SULF2: variants seen among roughly 807,000 people sequenced by gnomAD.
SULF2 encodes the protein sulfatase 2.
A neutral mutation model predicts 107.7 loss-of-function variants in SULF2; 52 were observed. The observed-to-expected ratio is 0.48, with a 90% CI of 0.39 to 0.61. The LOEUF (loss-of-function observed/expected upper bound fraction) is 0.61. Ranked by LOEUF, SULF2 falls within the 20% of genes least tolerant of loss-of-function variation. The pLI, the probability that SULF2 is intolerant of heterozygous loss-of-function variation, is 0.00. For synonymous variants in SULF2, 460 were observed against 464.3 expected (o/e 0.99, Z 0.12); for missense variants, 993 against 1,177.3 (o/e 0.84, Z 2.29).
Position 47,664,201 on chromosome 20 carries a change from C to A in SULF2, c.1998-12G>T, listed in dbSNP as rs79684977. ...GCTGGGTGTGGTAGCTGTAACAGACCCCCCCAGCCCCAGGCTTCAGGAGTG... is the reference window on the plus strand; with the variant it reads ...GCTGGGTGTGGTAGCTGTAACAGACACCCCCAGCCCCAGGCTTCAGGAGTG... On this transcript the variant is annotated splice_polypyrimidine_tract_variant and intron_variant, in intron 14 of 20. Coordinates refer to ENST00000688720, the MANE Select transcript of SULF2 (RefSeq NM_001387048.1). 9.9e-6 allele frequency: 16 copies of A among 1,608,904 alleles called. No homozygotes were observed. Among genetic ancestry groups the A allele is most frequent in the Middle Eastern group, 1.8e-4 (1 of 5,616 alleles).
intron 1 of SULF2, among the ~76,000 whole-genome samples, chr20:47,781,876 GGA>G (rs375825487): frequency 6.6e-6 from 1 of 152,136 alleles, no homozygotes; most frequent in Non-Finnish European, 1.5e-5. Context: ...CCCCAGAGCT[GGA>G]GAGACATCAG....
intron 1 of SULF2, among the ~76,000 whole-genome samples, chr20:47,776,640 T>C (rs2090730623): frequency 6.6e-6 from 1 of 152,174 alleles, no homozygotes; most frequent in Admixed American, 6.5e-5. Context: ...AGAGCCCTCA[T>C]TAGAATGTCA....
chr20:47,706,691 A>T (rs1173269129), intron 3 of SULF2: 1 of 152,262 alleles, frequency 6.6e-6, no homozygotes. Context: ...GGGGAGGGCT[A>T]GTTTTCAGGA....
intron 18 of SULF2, 138 bp downstream of exon 18, chr20:47,661,635 C>G: frequency 1.1e-6 from 1 of 888,820 alleles, no homozygotes; most frequent in Non-Finnish European, 1.6e-6. Flanking sequence ...GACAGGGGCT[C>G]CCATGACTCG....
In SULF2 at chr20:47,694,213, C is replaced by T. The variant is rs1158313959; in HGVS notation, c.568-3918G>A. ...GCCCTGTTCTCTCTGAGGGAGAGAA[C>T]AGGAGGCCTGGGCCAGGGTGGCGGG... On this transcript the variant is annotated intron_variant, in intron 4 of 20. Coordinates refer to ENST00000688720, the MANE Select transcript of SULF2 (RefSeq NM_001387048.1). This position sits in a 1 kb window ranked among gnomAD's most constrained non-coding sequence, Gnocchi z 4.4. Among the ~76,000 whole-genome samples the T allele has an allele frequency of 6.6e-6, 1 of 152,234 alleles. No individual in the cohort carries two copies. Among genetic ancestry groups the T allele is most frequent in the East Asian group, 1.9e-4 (1 of 5,182 alleles).
chr20:47,728,220 C>T (rs1281154096), intron 3 of SULF2, among the ~76,000 whole-genome samples: 2 of 151,850 alleles, frequency 1.3e-5, no homozygotes, highest in South Asian at 2.1e-4. Context: ...TGTGTGTGTG[C>T]GTGCGTGCGT....
chr20:47,769,511 T>A (rs2090589058), intron 1 of SULF2, among the ~76,000 whole-genome samples: 1 of 151,984 alleles, frequency 6.6e-6, no homozygotes, highest in Admixed American at 6.5e-5. Flanking sequence ...GTTTTTATTT[T>A]GTAGAGGGGC....
Position 47,674,760 on chromosome 20 carries a change from C to T in SULF2, c.1380+1734G>A, listed in dbSNP as rs182784419. 1.0e-3 allele frequency among the ~76,000 whole-genome samples: 153 copies of T among 152,264 alleles called. 1 individual carries two copies. The highest frequency in any genetic ancestry group is 1.1e-3 in the Non-Finnish European group (77 of 68,016). On this transcript the variant is annotated intron_variant, in intron 10 of 20. Transcript: ENST00000688720. Reference sequence around the variant, plus strand: ...GGCTGGGTGTGAGGCCCCTAAGAGACGTCCTCGGGCCACAGGGTACAGCTT... The same window carrying T: ...GGCTGGGTGTGAGGCCCCTAAGAGATGTCCTCGGGCCACAGGGTACAGCTT...
chr20:47,704,054 T>A (rs2088651434), intron 3 of SULF2, among the ~76,000 whole-genome samples: 1 of 152,138 alleles, frequency 6.6e-6, no homozygotes, highest in Non-Finnish European at 1.5e-5. Flanking sequence ...CGGGTGATGA[T>A]CTTGTTCTAT....
chr20:47,746,737 A>G (rs2090043705), intron 2 of SULF2, among the ~76,000 whole-genome samples: 1 of 152,106 alleles, frequency 6.6e-6, no homozygotes, highest in Non-Finnish European at 1.5e-5. Flanking sequence ...TCACAAGGAC[A>G]AAAGACCAAA....
chr20:47,665,714 C>T (rs977911038), intron 13 of SULF2, 143 bp downstream of exon 13: 27 of 671,234 alleles, frequency 4.0e-5, no homozygotes, highest in Admixed American at 9.9e-5. Flanking sequence ...CACCTATCCC[C>T]GCGTTGAGGA....
intron 1 of SULF2, among the ~76,000 whole-genome samples, chr20:47,781,022 A>G (rs576355449): frequency 2.6e-5 from 4 of 152,374 alleles, no homozygotes; most frequent in South Asian, 4.1e-4. Flanking sequence ...TTGATTCAAC[A>G]GGATCTGGTC....
rs781590833 is a variant in SULF2 at position 47,666,496 on chromosome 20, C to T, written c.1577-8G>A. The T allele has an allele frequency of 1.2e-5, 19 of 1,607,082 alleles. No homozygotes were observed. Among genetic ancestry groups the T allele is most frequent in the East Asian group, 2.2e-5 (1 of 44,802 alleles). On this transcript the variant is annotated splice_polypyrimidine_tract_variant and splice_region_variant and intron_variant, in intron 11 of 20. Transcript: ENST00000688720. This position sits in a 1 kb window ranked among gnomAD's most constrained non-coding sequence, Gnocchi z 5.4. ...CATAGCTGGCCTTGTACTCTGTGGG[C>T]ATTAGAGGAGTGGCAGAGTTAGGGA...
At chr20:47,677,419 TGTGTGTGTGTGC>T (rs757440245) in intron 8 of SULF2, among the ~76,000 whole-genome samples, 4 of 145,354 alleles carry the variant, frequency 2.8e-5, no homozygotes, top group East Asian at 2.0e-4. Context: ...TGTGTGTGTG[TGTGTGTGTGTGC>T]GCGCACACAC....
rs377722639 is a variant in SULF2 at position 47,658,457 on chromosome 20, C to G, written c.2583-65G>C. 3.3e-6 allele frequency: 5 copies of G among 1,521,966 alleles called. No individual in the cohort carries two copies. In the Admixed American group the frequency reaches 6.7e-5, roughly 20 times the overall value. 94.3% of individuals were successfully genotyped at this position (1,521,966 alleles called of 1,614,324 possible). A position where few individuals can be genotyped will look rare whatever the true frequency, so the allele number is the denominator to read the frequency against. ...ATGGTCTTTATCATGACTTCCTAATCGGTCCTATAGCTGAGGAAGCTTTGC... is the reference window on the plus strand; with the variant it reads ...ATGGTCTTTATCATGACTTCCTAATGGGTCCTATAGCTGAGGAAGCTTTGC... On this transcript the variant is annotated intron_variant, in intron 20 of 20. Coordinates refer to ENST00000688720, the MANE Select transcript of SULF2 (RefSeq NM_001387048.1).
chr20:47,728,157 G>C (rs376142206), intron 3 of SULF2, among the ~76,000 whole-genome samples: 1 of 152,192 alleles, frequency 6.6e-6, no homozygotes, highest in Non-Finnish European at 1.5e-5. Flanking sequence ...GGCCGGAGAG[G>C]GGGAGGGAAG....
At chr20:47,741,861 G>A (rs2089890366) in intron 2 of SULF2, among the ~76,000 whole-genome samples, 1 of 152,224 alleles carries the variant, frequency 6.6e-6, no homozygotes, top group South Asian at 2.1e-4. Flanking sequence ...GCACTCCGCA[G>A]CCCCCAGTGC....
chr20:47,706,177 T>C (rs6090717), intron 3 of SULF2, among the ~76,000 whole-genome samples: 59,108 of 151,726 alleles, frequency 0.39, 11,904 homozygotes, highest in Admixed American at 0.51. Flanking sequence ...TTTGGAGCCA[T>C]ATTGTGAGAG....
chr20:47,692,341 T>C (rs2146547826), intron 4 of SULF2, among the ~76,000 whole-genome samples: 1 of 152,342 alleles, frequency 6.6e-6, no homozygotes, highest in African/African-American at 2.4e-5. Context: ...ACTGCAATAT[T>C]GTTTATAAAA....
Sources: gnomAD v4.1 joint callset for allele counts (sites outside exome capture counted in the v4.1 genomes callset) on GRCh38, gnomAD v4.1.1 for gene constraint, Gnocchi (gnomAD v3.1) non-coding constraint, MANE v1.5 for transcripts, NCBI Gene and HGNC (gene_info 2026-07-23, HGNC 2026-07-21) for gene names.